ZNF385D: variants seen among roughly 807,000 people sequenced by gnomAD.
The protein encoded by ZNF385D is zinc finger protein 659.
A neutral mutation model predicts 35.8 loss-of-function variants in ZNF385D; 15 were observed. The observed-to-expected ratio is 0.42, with a 90% CI of 0.28 to 0.64. The LOEUF is 0.64. ZNF385D is among the 30% of genes least tolerant of loss of function. ZNF385D has a pLI of 0.23. For missense variants in ZNF385D, 474 were observed against 494.6 expected (o/e 0.96, Z 0.39); for synonymous variants, 212 against 186.8 (o/e 1.13, Z -1.10).
intron 3 of ZNF385D, among the ~76,000 whole-genome samples, chr3:21,975,951 A>G (rs979944936): frequency 6.6e-6 from 1 of 152,096 alleles, no homozygotes; most frequent in African/African-American, 2.4e-5. Context: ...CTTGAAGGGT[A>G]ATATGAAGTT....
chr3:21,895,318 GCTT>G (rs1699076235), intron 3 of ZNF385D, among the ~76,000 whole-genome samples: 1 of 89,904 alleles, frequency 1.1e-5, no homozygotes, highest in South Asian at 4.5e-4. Context: ...GAAATGTGTG[GCTT>G]TTTTTTTTTT....
At chr3:21,784,693 G>A (rs1182720148) in intron 3 of ZNF385D, among the ~76,000 whole-genome samples, 2 of 151,618 alleles carry the variant, frequency 1.3e-5, no homozygotes, top group Admixed American at 6.6e-5. Context: ...ATAACATGAT[G>A]TTTTAGACAT....
At chr3:21,853,506 CCT>C (rs796413010) in intron 3 of ZNF385D, among the ~76,000 whole-genome samples, 689 of 35,908 alleles carry the variant, frequency 0.019, 15 homozygotes, top group African/African-American at 0.047. Flanking sequence ...AAATTGCAGT[CCT>C]TTTTTTTTTT....
intron 4 of ZNF385D, among the ~76,000 whole-genome samples, chr3:21,490,443 T>A (rs1180506871): frequency 4.6e-5 from 7 of 152,180 alleles, no homozygotes; most frequent in African/African-American, 1.7e-4. Context: ...ACAATGTGAC[T>A]GTCACTCTAT....
intron 2 of ZNF385D, among the ~76,000 whole-genome samples, chr3:21,608,712 AC>A (rs1160041415): frequency 2.7e-4 from 41 of 152,146 alleles, no homozygotes; most frequent in African/African-American, 9.9e-4. Flanking sequence ...CCCATGTTTT[AC>A]CCTCTAGATA....
At chr3:22,007,828 T>G (rs1696314104) in intron 3 of ZNF385D, among the ~76,000 whole-genome samples, 1 of 151,260 alleles carries the variant, frequency 6.6e-6, no homozygotes, top group Admixed American at 6.6e-5. Flanking sequence ...AGTTTTTAAT[T>G]TTTATATAAT....
intron 3 of ZNF385D, among the ~76,000 whole-genome samples, chr3:21,760,192 G>T (rs1290329129): frequency 6.6e-6 from 1 of 152,142 alleles, no homozygotes; most frequent in African/African-American, 2.4e-5. Flanking sequence ...ATGACCGGAT[G>T]CCATTTTCAC....
intron 5 of ZNF385D, among the ~76,000 whole-genome samples, chr3:21,434,335 TG>T (rs1701445958): frequency 6.6e-6 from 1 of 152,140 alleles, no homozygotes; most frequent in African/African-American, 2.4e-5. Flanking sequence ...AATCTGCTCT[TG>T]AGGGAGTCCA....
chr3:22,342,972 T>G (rs1032237374), intron 2 of ZNF385D, among the ~76,000 whole-genome samples: 1 of 152,180 alleles, frequency 6.6e-6, no homozygotes, highest in African/African-American at 2.4e-5. Flanking sequence ...CAGTCCAAAT[T>G]GAGATGTGCT....
At chr3:21,682,552 A>T (rs1024869536) in intron 1 of ZNF385D, among the ~76,000 whole-genome samples, 2 of 150,242 alleles carry the variant, frequency 1.3e-5, no homozygotes, top group Non-Finnish European at 3.0e-5. Flanking sequence ...ACACATTTTC[A>T]GGTCCTTTAA....
intron 3 of ZNF385D, among the ~76,000 whole-genome samples, chr3:21,991,014 G>C (rs1669131066): frequency 6.6e-6 from 1 of 152,180 alleles, no homozygotes; most frequent in South Asian, 2.1e-4. Flanking sequence ...CTTCTAATTT[G>C]CAGTGGTTTG....
At chr3:21,700,656 G>C (rs1406875838) in intron 1 of ZNF385D, among the ~76,000 whole-genome samples, 3 of 152,096 alleles carry the variant, frequency 2.0e-5, no homozygotes, top group African/African-American at 7.2e-5. Context: ...GTGTAAAACG[G>C]TGAAGAAAGA....
chr3:21,821,889 C>T (rs971041524), intron 3 of ZNF385D, among the ~76,000 whole-genome samples: 1 of 148,264 alleles, frequency 6.7e-6, no homozygotes, highest in South Asian at 2.1e-4. Context: ...TCACTAGAGC[C>T]TGGGAGGTTG....
At chr3:22,009,718 TG>T (rs1269846774) in intron 3 of ZNF385D, among the ~76,000 whole-genome samples, 1 of 152,056 alleles carries the variant, frequency 6.6e-6, no homozygotes, top group Non-Finnish European at 1.5e-5. Context: ...ATATGCAAGT[TG>T]AATATTAAAT....
chr3:22,027,353 G>T (rs1697623962), intron 3 of ZNF385D, among the ~76,000 whole-genome samples: 1 of 152,196 alleles, frequency 6.6e-6, no homozygotes, highest in South Asian at 2.1e-4. Flanking sequence ...GCTCCAGGCT[G>T]CTGTGCAAGC....
At chr3:21,625,377 G>C (rs1430993853) in intron 2 of ZNF385D, among the ~76,000 whole-genome samples, 1 of 152,054 alleles carries the variant, frequency 6.6e-6, no homozygotes, top group Non-Finnish European at 1.5e-5. Flanking sequence ...GAAGTGGAAA[G>C]TTCCTAAACC....
intron 3 of ZNF385D, among the ~76,000 whole-genome samples, chr3:21,892,062 G>A (rs894098302): frequency 2.6e-5 from 4 of 152,058 alleles, no homozygotes; most frequent in Non-Finnish European, 4.4e-5. Context: ...GGTTTGTTTC[G>A]AGGGCAACTG....
intron 3 of ZNF385D, among the ~76,000 whole-genome samples, chr3:21,876,528 T>G (rs1697982798): frequency 6.6e-6 from 1 of 151,858 alleles, no homozygotes; most frequent in Non-Finnish European, 1.5e-5. Context: ...TCTCATGTTT[T>G]CATTTAACCC....
intron 3 of ZNF385D, among the ~76,000 whole-genome samples, chr3:21,931,304 G>A (rs1172570623): frequency 6.6e-6 from 1 of 152,148 alleles, no homozygotes; most frequent in East Asian, 1.9e-4. Flanking sequence ...ACAAGTATTA[G>A]AGAGGATGAG....
Sources: allele counts gnomAD v4.1 joint callset (sites outside exome capture counted in the v4.1 genomes callset), GRCh38; gene constraint gnomAD v4.1.1; transcripts MANE v1.5; gene names NCBI Gene and HGNC (gene_info 2026-07-23, HGNC 2026-07-21).